Variants in GALNT10 observed in about 807,000 individuals in gnomAD.
GALNT10 encodes the protein polypeptide N-acetylgalactosaminyltransferase 10.
A neutral mutation model predicts 75.0 loss-of-function variants in GALNT10; 41 were observed. The ratio of observed to expected loss-of-function variants is 0.55; its 90% confidence interval spans 0.43 to 0.71. The LOEUF is 0.71. Among genes scored for constraint, GALNT10 ranks in the 30% least tolerant of loss-of-function variants. The pLI is 0.00. For missense variants in GALNT10, 727 were observed against 818.5 expected (o/e 0.89, Z 1.36); for synonymous variants, 302 against 313.0 (o/e 0.96, Z 0.37).
At chr5:154,202,778 T>C (rs1161236993) in intron 1 of GALNT10, among the ~76,000 whole-genome samples, 1 of 152,230 alleles carries the variant, frequency 6.6e-6, no homozygotes, top group African/African-American at 2.4e-5. Flanking sequence ...GGGGCGGTTG[T>C]CAGACACTGG....
At chr5:154,216,781 T>C (rs1457143768) in intron 1 of GALNT10, among the ~76,000 whole-genome samples, 1 of 152,182 alleles carries the variant, frequency 6.6e-6, no homozygotes, top group Non-Finnish European at 1.5e-5. Context: ...GTGGACTATA[T>C]AACAAGATCG....
At chr5:154,274,856 G>A (rs1388693924) in intron 1 of GALNT10, among the ~76,000 whole-genome samples, 2 of 152,228 alleles carry the variant, frequency 1.3e-5, no homozygotes, top group Non-Finnish European at 2.9e-5. Flanking sequence ...ACAGTTGGCT[G>A]GAGCTGGGGT....
rs371591692 is a variant in GALNT10, at chr5:154,314,430, C to G, written c.402-15142C>G. On this transcript the variant is annotated intron_variant, in intron 3 of 11. Coordinates refer to ENST00000297107, the MANE Select transcript of GALNT10 (RefSeq NM_198321.4). ...TCCCTCTGTGACCCTGGGAAGGTCC[C>G]TCCTCATTCTAGACCTCAGTTTCCT... Among the ~76,000 whole-genome samples the G allele has an allele frequency of 6.6e-5, 10 of 152,260 alleles. No individual in the cohort carries two copies. In the South Asian group the frequency reaches 8.3e-4, roughly 13 times the overall value.
chr5:154,395,061 C>T (rs1047001303), intron 7 of GALNT10, among the ~76,000 whole-genome samples: 2 of 152,194 alleles, frequency 1.3e-5, no homozygotes, highest in African/African-American at 4.8e-5. Flanking sequence ...CTCAAAGGCC[C>T]GAGGGTCGCC....
chr5:154,355,908 T>C (rs376762544), intron 4 of GALNT10, among the ~76,000 whole-genome samples: 17 of 151,980 alleles, frequency 1.1e-4, no homozygotes, highest in African/African-American at 4.1e-4. Context: ...ACCTGGAAGC[T>C]AGGTCTACAC....
chr5:154,330,328 TGTGA>T (rs1302334743), intron 4 of GALNT10, among the ~76,000 whole-genome samples: 1 of 152,232 alleles, frequency 6.6e-6, no homozygotes, highest in African/African-American at 2.4e-5. Context: ...AGGCAGGGAA[TGTGA>T]GTGTTTTGGT....
chr5:154,298,632 T>G lies in GALNT10; in HGVS notation c.401+553T>G, dbSNP rs540112065. On this transcript the variant is annotated intron_variant, in intron 3 of 11. Transcript: ENST00000297107. The surrounding 1 kb of genome is among the most constrained non-coding windows in gnomAD (Gnocchi z 4.1). ...GATGCCGATTTTACAGTGAGAAAAC[T>G]GGGGCTTAAAGGAGGGTCATAACTC... is the stretch of plus-strand genomic sequence containing the variant. Among the ~76,000 whole-genome samples the G allele has an allele frequency of 2.6e-5, 4 of 152,192 alleles. No individual in the cohort carries two copies. Among genetic ancestry groups the G allele is most frequent in the Non-Finnish European group, 5.9e-5 (4 of 68,020 alleles).
chr5:154,224,000 T>C (rs887479189), intron 1 of GALNT10, among the ~76,000 whole-genome samples: 6 of 152,014 alleles, frequency 3.9e-5, no homozygotes, highest in African/African-American at 1.4e-4. Flanking sequence ...GAGGTGGGAA[T>C]GGTCCTGGGA....
chr5:154,280,351 G>T (rs1036708107), intron 1 of GALNT10, among the ~76,000 whole-genome samples: 18 of 152,288 alleles, frequency 1.2e-4, no homozygotes, highest in Middle Eastern at 3.4e-3. Flanking sequence ...AGCACTGTAG[G>T]ATGACTGTAG....
chr5:154,308,114 G>A (rs2113091569), intron 3 of GALNT10, among the ~76,000 whole-genome samples: 1 of 150,902 alleles, frequency 6.6e-6, no homozygotes, highest in Middle Eastern at 3.4e-3. Flanking sequence ...GCAAATAGTA[G>A]CCACGTGGGT....
intron 6 of GALNT10, 47 bp downstream of exon 6, chr5:154,380,678 A>C: frequency 1.5e-6 from 2 of 1,306,340 alleles, no homozygotes; most frequent in Non-Finnish European, 2.2e-6. Flanking sequence ...CCCAGTGACC[A>C]CTCCCAACAC....
intron 1 of GALNT10, among the ~76,000 whole-genome samples, chr5:154,229,353 C>T (rs1004044150): frequency 6.6e-6 from 1 of 152,186 alleles, no homozygotes; most frequent in African/African-American, 2.4e-5. Flanking sequence ...ATAGTATGCT[C>T]TACCTCTCTT....
rs1335201617 is a variant in GALNT10, at chr5:154,352,244, GCCACCC to G, written c.568+22509_568+22514del. ...GGGCTCACAAGGGAAGGCTCCCTCA[GCCACCC>G]CCGGCTCCAGCTACTCTTCCACACC... On this transcript the variant is annotated intron_variant, in intron 4 of 11. Transcript: ENST00000297107. This position sits in a 1 kb window ranked among gnomAD's most constrained non-coding sequence, Gnocchi z 4.4. 1.3e-5 allele frequency among the ~76,000 whole-genome samples: 2 copies of G among 152,192 alleles called. No homozygotes were observed. The highest frequency in any genetic ancestry group is 2.9e-5 in the Non-Finnish European group (2 of 68,018).
intron 3 of GALNT10, among the ~76,000 whole-genome samples, chr5:154,320,200 T>A (rs1302462936): frequency 1.3e-5 from 2 of 152,168 alleles, no homozygotes; most frequent in African/African-American, 4.8e-5. Context: ...TCAAAAAAAA[T>A]TTAAAAGACA....
intron 4 of GALNT10, chr5:154,337,869 G>C: frequency 8.9e-7 from 1 of 1,117,650 alleles, no homozygotes; most frequent in Non-Finnish European, 1.3e-6. Context: ...TGAAACACTA[G>C]GTATCTCTTG....
At chr5:154,399,421 C>T (rs55942256) in intron 7 of GALNT10, among the ~76,000 whole-genome samples, 30,599 of 152,064 alleles carry the variant, frequency 0.2, 3,493 homozygotes, top group South Asian at 0.26. Flanking sequence ...AGGAGCATGA[C>T]GGCGATGCTC....
chr5:154,308,965 G>A (rs1754472204), intron 3 of GALNT10, among the ~76,000 whole-genome samples: 1 of 152,134 alleles, frequency 6.6e-6, no homozygotes, highest in Non-Finnish European at 1.5e-5. Context: ...CATTCCACTG[G>A]GGGTAGGGGT....
rs368297109 is a variant in GALNT10, at chr5:154,380,448, A to G, written c.755A>G (p.Asp252Gly). ...ANVNWLPPLL[D>G]RIARNRKTIV... The stretch of plus-strand genomic sequence containing the variant: ...GATAGGCATCTCTTGGCTTCTTCAG[A>G]CCGCATTGCTCGGAACCGCAAGACC... Residue 252 changes from aspartate to glycine, a missense_variant and splice_region_variant, in exon 6 of 12, where the codon GAC becomes GGC. Asp to Gly is a moderately conservative substitution (Grantham distance 94). Coordinates refer to ENST00000297107, the MANE Select transcript of GALNT10 (RefSeq NM_198321.4). The G allele has an allele frequency of 9.3e-6, 15 of 1,612,378 alleles. No individual in the cohort carries two copies. The highest frequency in any genetic ancestry group is 1.2e-5 in the Non-Finnish European group (14 of 1,178,736).
intron 1 of GALNT10, among the ~76,000 whole-genome samples, chr5:154,240,125 T>C (rs1231117628): frequency 6.6e-6 from 1 of 152,234 alleles, no homozygotes; most frequent in Non-Finnish European, 1.5e-5. Context: ...TACACAGGCT[T>C]ACACTTACCA....
Sources: allele counts gnomAD v4.1 joint callset (sites outside exome capture counted in the v4.1 genomes callset), GRCh38; gene constraint gnomAD v4.1.1; non-coding constraint Gnocchi (gnomAD v3.1); transcripts MANE v1.5; gene names NCBI Gene and HGNC (gene_info 2026-07-23, HGNC 2026-07-21).